MSI2: variants seen among roughly 807,000 people sequenced by gnomAD.
MSI2 encodes the protein musashi RNA binding protein 2, also known as RNA-binding protein Musashi homolog 2.
A neutral mutation model predicts 45.6 loss-of-function variants in MSI2; 17 were observed. That is an observed-to-expected ratio of 0.37 (90% CI 0.26 to 0.56). The LOEUF is 0.56. Ranked by LOEUF, MSI2 falls within the 20% of genes least tolerant of loss-of-function variation. The pLI is 0.77. For synonymous variants in MSI2, 156 were observed against 158.2 expected (o/e 0.99, Z 0.11); for missense variants, 293 against 444.2 (o/e 0.66, Z 3.06).
intron 5 of MSI2, chr17:57,266,845 C>G (rs999564153): frequency 6.6e-6 from 1 of 152,090 alleles, no homozygotes; most frequent in Non-Finnish European, 1.5e-5. Context: ...AGTAAAGTTA[C>G]GTTGGTTGCT....
At chr17:57,588,294 A>G (rs1455047855) in intron 7 of MSI2, among the ~76,000 whole-genome samples, 2 of 152,202 alleles carry the variant, frequency 1.3e-5, no homozygotes, top group Non-Finnish European at 2.9e-5. Context: ...GGTGCTGTGT[A>G]CAGCTCAGGT....
At chr17:57,378,350 G>A (rs1028320742) in intron 5 of MSI2, among the ~76,000 whole-genome samples, 2 of 151,966 alleles carry the variant, frequency 1.3e-5, no homozygotes, top group South Asian at 2.1e-4. Flanking sequence ...TGCAACCTCC[G>A]CCTCCCGGGT....
chr17:57,525,992 C>T (rs1347084727), intron 6 of MSI2, among the ~76,000 whole-genome samples: 2 of 152,056 alleles, frequency 1.3e-5, no homozygotes, highest in Non-Finnish European at 2.9e-5. Flanking sequence ...TTTGGGAGGC[C>T]AAGGTAGGTG....
chr17:57,494,805 G>C (rs781004373), intron 6 of MSI2, among the ~76,000 whole-genome samples: 8 of 152,170 alleles, frequency 5.3e-5, no homozygotes, highest in Non-Finnish European at 8.8e-5. Flanking sequence ...AACACATGCT[G>C]TGTGTCAGGT....
At chr17:57,667,057 T>C (rs1006131227) in intron 11 of MSI2, among the ~76,000 whole-genome samples, 2 of 152,102 alleles carry the variant, frequency 1.3e-5, no homozygotes, top group Non-Finnish European at 2.9e-5. Context: ...AAGCAAAGGC[T>C]CTGGTATCAC....
intron 5 of MSI2, among the ~76,000 whole-genome samples, chr17:57,320,188 G>A: frequency 6.6e-6 from 1 of 152,172 alleles, no homozygotes; most frequent in East Asian, 1.9e-4. Flanking sequence ...TTTGAGGGGC[G>A]ATTGTGAGCT....
At chr17:57,308,005 T>C (rs1170289944) in intron 5 of MSI2, among the ~76,000 whole-genome samples, 1 of 152,222 alleles carries the variant, frequency 6.6e-6, no homozygotes, top group East Asian at 1.9e-4. Flanking sequence ...GCTCAGTCAA[T>C]GCATGAAGAA....
intron 5 of MSI2, among the ~76,000 whole-genome samples, chr17:57,336,260 G>A (rs1351740542): frequency 1.3e-5 from 2 of 152,192 alleles, no homozygotes; most frequent in Non-Finnish European, 2.9e-5. Flanking sequence ...GGACTATTAA[G>A]AGTAAGGCCA....
At chr17:57,261,494 A>G (rs1006701816) in intron 4 of MSI2, among the ~76,000 whole-genome samples, 5 of 152,132 alleles carry the variant, frequency 3.3e-5, no homozygotes, top group Admixed American at 2.0e-4. Context: ...CTTTACTTCA[A>G]AAAATTATTT....
Position 57,503,874 on chromosome 17 carries a change from A to T in MSI2, c.406-25802A>T, listed in dbSNP as rs552064824. On this transcript the variant is annotated intron_variant, in intron 6 of 13. Transcript: ENST00000284073. ...ATTCTCCTGCCTCAGCGTCTCGAGT[A>T]GCTGGGACTACAGGCGTGCACCACG... Among the ~76,000 whole-genome samples, 4 of 152,342 alleles carry T rather than the reference A, an allele frequency of 2.6e-5. No individual in the cohort carries two copies. In the South Asian group the frequency reaches 8.3e-4, roughly 32 times the overall value.
chr17:57,465,310 A>G (rs1300968685), intron 6 of MSI2, among the ~76,000 whole-genome samples: 1 of 152,028 alleles, frequency 6.6e-6, no homozygotes, highest in African/African-American at 2.4e-5. Flanking sequence ...TAAAGAAAAA[A>G]AAACACACAG....
At chr17:57,317,537 G>T (rs1175975439) in intron 5 of MSI2, among the ~76,000 whole-genome samples, 1 of 139,516 alleles carries the variant, frequency 7.2e-6, no homozygotes, top group Non-Finnish European at 1.5e-5. Flanking sequence ...TTGAGACGGG[G>T]TCTCACTTTG....
At chr17:57,492,218 C>CG (rs1289832353) in intron 6 of MSI2, among the ~76,000 whole-genome samples, 1 of 152,118 alleles carries the variant, frequency 6.6e-6, no homozygotes, top group Non-Finnish European at 1.5e-5. Context: ...CCATGAAAAA[C>CG]GGGGGAAGGA....
chr17:57,485,327 A>G (rs1453443551), intron 6 of MSI2, among the ~76,000 whole-genome samples: 1 of 152,146 alleles, frequency 6.6e-6, no homozygotes, highest in Non-Finnish European at 1.5e-5. Flanking sequence ...TACTCAATTG[A>G]GAGTTTTAAA....
At chr17:57,515,001 C>T (rs951724518) in intron 6 of MSI2, among the ~76,000 whole-genome samples, 4 of 152,160 alleles carry the variant, frequency 2.6e-5, no homozygotes, top group Admixed American at 6.5e-5. Context: ...AGCCACTTCA[C>T]GCTGCCAAAA....
At chr17:57,329,946 T>G (rs74650492) in intron 5 of MSI2, among the ~76,000 whole-genome samples, 2,129 of 152,196 alleles carry the variant, frequency 0.014, 31 homozygotes, top group African/African-American at 0.049. Flanking sequence ...TTTTGTTTTT[T>G]TTTTTTGGTC....
At chr17:57,638,446 C>T (rs967531593) in intron 10 of MSI2, among the ~76,000 whole-genome samples, 2 of 152,182 alleles carry the variant, frequency 1.3e-5, no homozygotes, top group Non-Finnish European at 1.5e-5. Context: ...GAGCATCCCA[C>T]GTGCGGCCAG....
chr17:57,483,274 A>G (rs1232932000), intron 6 of MSI2, among the ~76,000 whole-genome samples: 1 of 152,158 alleles, frequency 6.6e-6, no homozygotes, highest in Middle Eastern at 3.2e-3. Context: ...GCCTTAAAAA[A>G]AAAAAAAGAA....
intron 5 of MSI2, among the ~76,000 whole-genome samples, chr17:57,311,582 G>A (rs1912404546): frequency 6.6e-6 from 1 of 152,166 alleles, no homozygotes; most frequent in Non-Finnish European, 1.5e-5. Context: ...AACAGGCCCT[G>A]TTCTCTTGCC....
Sources: allele counts gnomAD v4.1 joint callset (sites outside exome capture counted in the v4.1 genomes callset), GRCh38; gene constraint gnomAD v4.1.1; transcripts MANE v1.5; gene names NCBI Gene and HGNC (gene_info 2026-07-23, HGNC 2026-07-21).